Variants in DNHD1 observed in about 807,000 individuals in gnomAD.
The protein encoded by DNHD1 is dynein heavy chain domain-containing protein 1.
In DNHD1, 383 loss-of-function variants were observed where a neutral mutation model predicts 458.1. That is an observed-to-expected ratio of 0.84 (90% confidence interval 0.77 to 0.91). DNHD1 has a LOEUF of 0.91. Among genes scored for constraint, DNHD1 ranks in the 40% least tolerant of loss-of-function variants. The pLI is 0.00. For synonymous variants in DNHD1, 2,203 were observed against 2,376.9 expected, an observed-to-expected ratio of 0.93 and a Z score of 2.13; for missense variants, 5,336 against 5,866.1, an observed-to-expected ratio of 0.91 and a Z score of 2.95.
chr11:6,549,162 A>AT, intron 24 of DNHD1: 1 of 574,886 alleles, frequency 1.7e-6, no homozygotes, highest in Non-Finnish European at 3.0e-6. Context: ...TTTTCTAAGC[A>AT]CCAGATCTGT....
chr11:6,556,842 C>G lies in DNHD1; in HGVS notation c.7547C>G (p.Pro2516Arg), dbSNP rs746491491. Residue 2516 changes from proline (P) to arginine (R), a missense_variant, in exon 25 of 43, where the codon CCA becomes CGA. Physicochemically the swap from Pro to Arg is moderately radical, Grantham distance 103. Around this residue, in one of 4 missense-constraint regions of DNHD1, gnomAD observed 3,932 missense variants for 4,365.6 expected, o/e 0.90. Transcript: ENST00000254579. ...VPGYCERPLC[P>R]RLFRLFTVLA... ...GGATACTGTGAGCGCCCACTGTGTC[C>G]ACGCCTCTTTCGACTCTTCACAGTC... The G allele has an allele frequency of 1.9e-6, 3 of 1,551,524 alleles. No homozygotes were observed. The African/African-American group carries it at 4.1e-5, about 21-fold the overall frequency.
In DNHD1 at chr11:6,528,964, G is replaced by T; in HGVS notation, c.2190G>T (p.Gln730His). ...IYEFLQSWGP[Q>H]KLEDMRGGPI... ...AATTCCTGCAATCCTGGGGGCCTCA[G>T]AAGCTGGAAGACATGAGAGGTGGTC... The change falls in exon 12 of 43, where the codon CAG becomes CAT. Residue 730 changes from glutamine to histidine, a missense_variant. Physicochemically the swap from Gln to His is conservative, Grantham distance 24. This residue lies in a region of DNHD1 where 3,932 missense variants were observed against 4,365.6 expected (regional missense o/e 0.90). Coordinates refer to ENST00000254579, the MANE Select transcript of DNHD1 (RefSeq NM_144666.3). The T allele has an allele frequency of 6.4e-7, 1 of 1,551,670 alleles. No individual in the cohort carries two copies. The highest frequency in any genetic ancestry group is 8.7e-7 in the Non-Finnish European group (1 of 1,146,976).
chr11:6,518,891 A>G (rs767118069), intron 7 of DNHD1, among the ~76,000 whole-genome samples: 1 of 152,220 alleles, frequency 6.6e-6, no homozygotes, highest in Non-Finnish European at 1.5e-5. Flanking sequence ...CACAGAACCA[A>G]TCAGTTCTAA....
At chr11:6,527,804 C>T (rs1852739990) in intron 10 of DNHD1, among the ~76,000 whole-genome samples, 1 of 152,122 alleles carries the variant, frequency 6.6e-6, no homozygotes, top group Non-Finnish European at 1.5e-5. Context: ...TTAATTCTTT[C>T]CTTTATTTTG....
rs1326418013 is a variant in DNHD1 at position 6,571,436 on chromosome 11, C to T, written c.13911+13C>T. 2.4e-5 allele frequency: 37 copies of T among 1,568,676 alleles called. No homozygotes were observed. The highest frequency in any genetic ancestry group is 2.9e-5 in the Non-Finnish European group (34 of 1,152,924). On this transcript the variant is annotated intron_variant, in intron 42 of 42. Coordinates refer to ENST00000254579, the MANE Select transcript of DNHD1 (RefSeq NM_144666.3). This position sits in a 1 kb window ranked among gnomAD's most constrained non-coding sequence, Gnocchi z 5.0. ...TCTGCACTTCAGGGTATCTTCGCGC[C>T]GCCCCTCGTTCGCGGTTCCAGTCCC...
chr11:6,538,930 C>G, intron 16 of DNHD1, 120 bp downstream of exon 16: 1 of 1,103,210 alleles, frequency 9.1e-7, no homozygotes. Context: ...TTTCTCCCTA[C>G]CTTTCCCACA....
Position 6,544,951 on chromosome 11 carries a change from C to G in DNHD1, c.4012C>G (p.Leu1338Val), listed in dbSNP as rs1188752235. 5.2e-6 allele frequency: 8 copies of G among 1,551,612 alleles called. No homozygotes were observed. Among genetic ancestry groups the G allele is most frequent in the Non-Finnish European group, 7.0e-6 (8 of 1,147,008 alleles). ...ACTGCTGCAAGCAGGATCGGTGGAG[C>G]TGGAGGGCATCATCATGAGTCTGGA... ...QQLLQAGSVE[L>V]EGIIMSLESV... Residue 1338 changes from leucine to valine, a missense_variant, in exon 21 of 43, where the codon CTG (leucine) becomes GTG (valine). Physicochemically the swap from Leu to Val is conservative, Grantham distance 32 (BLOSUM62 1). Coordinates refer to ENST00000254579, the MANE Select transcript of DNHD1 (RefSeq NM_144666.3).
Position 6,567,362 on chromosome 11 carries a change from G to C in DNHD1, c.11853G>C (p.Glu3951Asp), listed in dbSNP as rs1853730524. 1 of 1,614,064 alleles carries C rather than the reference G, an allele frequency of 6.2e-7. No homozygotes were observed. The highest frequency in any genetic ancestry group is 8.5e-7 in the Non-Finnish European group (1 of 1,179,902). Reference sequence around the variant, plus strand: ...TGCAAGCAACAGGGAAAGCATCAGAGCTGGAAAGACTGGCACTCTGGCCTG... The same window carrying C: ...TGCAAGCAACAGGGAAAGCATCAGACCTGGAAAGACTGGCACTCTGGCCTG... The part of the protein sequence containing the change: ...ALLQATGKAS[E>D]LERLALWPGL... The change falls in exon 36 of 43, where the codon GAG (glutamate) becomes GAC (aspartate). Residue 3951 changes from glutamate to aspartate, a missense_variant. Around this residue, in one of 4 missense-constraint regions of DNHD1, gnomAD observed 695 missense variants for 804.2 expected, o/e 0.86. Transcript: ENST00000254579.
Position 6,557,946 on chromosome 11 carries a change from A to G in DNHD1, c.8651A>G (p.Gln2884Arg). Residue 2884 changes from glutamine (Q) to arginine (R), a missense_variant, in exon 25 of 43, where the codon CAG (glutamine) becomes CGG (arginine). This residue lies in a region of DNHD1 where 3,932 missense variants were observed against 4,365.6 expected (regional missense o/e 0.90). Coordinates refer to ENST00000254579, the MANE Select transcript of DNHD1 (RefSeq NM_144666.3). ...RLVRVLARPR[Q>R]HGLLLSGALG... ...GTCCGGGTGCTGGCCAGGCCCCGGC[A>G]GCATGGCCTGCTGCTCTCGGGGGCT... 6.4e-7 allele frequency: 1 copy of G among 1,551,482 alleles called. No individual in the cohort carries two copies. The highest frequency in any genetic ancestry group is 1.2e-5 in the South Asian group (1 of 84,040).
Position 6,498,122 on chromosome 11 carries a change from A to G in DNHD1, c.-94A>G. 1.3e-6 allele frequency: 2 copies of G among 1,526,024 alleles called. No individual in the cohort carries two copies. Among genetic ancestry groups the G allele is most frequent in the South Asian group, 1.3e-5 (1 of 78,744 alleles). 94.5% of individuals were successfully genotyped at this position (1,526,024 alleles called of 1,614,324 possible). ...GCCCCTCTGCTGGGCTGGCCCATGC[A>G]GGTGAGGCCCCGCATCTGGCATCCT... On this transcript the variant is annotated 5_prime_UTR_variant, in exon 3 of 43. Transcript: ENST00000254579.
intron 40 of DNHD1, 30 bp downstream of exon 40, chr11:6,570,130 A>G (rs759847182): frequency 1.2e-6 from 2 of 1,613,322 alleles, no homozygotes; most frequent in Non-Finnish European, 1.7e-6. Context: ...CCTTGGAGTC[A>G]TCAGCCCCCA....
intron 4 of DNHD1, 47 bp from the exon 5 acceptor site, chr11:6,508,833 T>A (rs1160026474): frequency 1.2e-6 from 2 of 1,600,278 alleles, no homozygotes; most frequent in African/African-American, 1.3e-5. Context: ...TCTTAAAGTC[T>A]GACCACGTTC....
At chr11:6,555,238 G>C (rs10839582) in intron 24 of DNHD1, among the ~76,000 whole-genome samples, 2 of 151,786 alleles carry the variant, frequency 1.3e-5, no homozygotes, top group East Asian at 1.9e-4. Context: ...TTCTCTCTCT[G>C]TCTCTCTCAA....
At chr11:6,515,779 ATTTTTTT>A (rs61095437) in intron 7 of DNHD1, among the ~76,000 whole-genome samples, 126 of 108,310 alleles carry the variant, frequency 1.2e-3, no homozygotes, top group African/African-American at 4.4e-3. Context: ...CTATAGACAC[ATTTTTTT>A]TTTTTTTTTT....
chr11:6,521,733 T>A (rs1370346767), intron 10 of DNHD1, among the ~76,000 whole-genome samples: 1 of 151,820 alleles, frequency 6.6e-6, no homozygotes, highest in Non-Finnish European at 1.5e-5. Context: ...AAGTTCTTTT[T>A]GTTGTTTGTT....
At position 6,533,785 on chromosome 11, in the gene DNHD1, G is replaced by A; in HGVS notation, c.2610G>A (p.Glu870=). 6.4e-7 allele frequency: 1 copy of A among 1,551,552 alleles called. No individual in the cohort carries two copies. The highest frequency in any genetic ancestry group is 1.2e-5 in the South Asian group (1 of 84,032). ...IRNHFSLFSA[E]NEALDISVRR... ...ACCACTTTAGCCTCTTTAGTGCTGA[G>A]AATGAAGCACTGGACATCTCGGTGA... The change falls in exon 14 of 43, where the codon GAG becomes GAA. Residue 870 remains glutamate, a synonymous_variant. Coordinates refer to ENST00000254579, the MANE Select transcript of DNHD1 (RefSeq NM_144666.3).
chr11:6,533,951 C>G lies in DNHD1; in HGVS notation c.2776C>G (p.Leu926Val). Residue 926 changes from leucine (L) to valine (V), a missense_variant, in exon 14 of 43, where the codon CTG (leucine) becomes GTG (valine). Physicochemically the swap from Leu to Val is conservative, Grantham distance 32. Coordinates refer to ENST00000254579, the MANE Select transcript of DNHD1 (RefSeq NM_144666.3). ...QFEKSQASEF[L>V]LSKRHAIMPK... The stretch of plus-strand genomic sequence containing the variant: ...TGAGAAAAGCCAGGCTTCAGAGTTC[C>G]TGCTCAGCAAGCGACATGCCATTAT... The G allele has an allele frequency of 6.4e-7, 1 of 1,551,482 alleles. No homozygotes were observed.
Position 6,546,556 on chromosome 11 carries a change from C to A in DNHD1, c.5617C>A (p.Arg1873Ser), listed in dbSNP as rs575635539. 3.3e-4 allele frequency: 509 copies of A among 1,551,606 alleles called. 2 individuals carry two copies. In the African/African-American group the frequency reaches 6.1e-3, roughly 19 times the overall value. ...GCTGGTGTCTGGGCCCCTGCCCTGC[C>A]GCCTGCCACTGCTCAAGCAGATACT... ...RELVSGPLPCRLPLLKQILED... is the reference protein window; with the variant it reads ...RELVSGPLPCSLPLLKQILED... Residue 1873 changes from arginine to serine, a missense_variant, in exon 21 of 43, where the codon CGC (arginine) becomes AGC (serine). Coordinates refer to ENST00000254579, the MANE Select transcript of DNHD1 (RefSeq NM_144666.3).
At chr11:6,550,311 G>C (rs971337049) in intron 24 of DNHD1, among the ~76,000 whole-genome samples, 1 of 152,170 alleles carries the variant, frequency 6.6e-6, no homozygotes, top group African/African-American at 2.4e-5. Flanking sequence ...GTTCCTTCCA[G>C]CTATATTATT....
Sources: allele counts gnomAD v4.1 joint callset (sites outside exome capture counted in the v4.1 genomes callset), GRCh38; gene constraint gnomAD v4.1.1; regional missense constraint gnomAD v4.1.1; non-coding constraint Gnocchi (gnomAD v3.1); transcripts MANE v1.5; gene names NCBI Gene and HGNC (gene_info 2026-07-23, HGNC 2026-07-21).